Variants in OMA1 observed in about 807,000 individuals in gnomAD.
The protein encoded by OMA1 is metalloendopeptidase OMA1, mitochondrial.
Under a neutral mutation model 30.9 loss-of-function variants are expected in OMA1, and 38 were observed. The ratio of observed to expected loss-of-function variants is 1.23; its 90% CI spans 0.95 to 1.61. The LOEUF (loss-of-function observed/expected upper bound fraction) is 1.61, where lower values mean the gene tolerates loss of function less well. Ranked by LOEUF, OMA1 falls within the 40% of genes most tolerant of loss-of-function variation. OMA1 has a pLI of 0.00. For missense variants in OMA1, 461 were observed against 349.2 expected, an observed-to-expected ratio of 1.32 and a Z score of -2.55; for synonymous variants, 173 against 121.9, an observed-to-expected ratio of 1.42 and a Z score of -2.76.
At chr1:58,523,886 G>A (rs6663128) in intron 7 of OMA1, among the ~76,000 whole-genome samples, 17,708 of 152,094 alleles carry the variant, frequency 0.12, 1,230 homozygotes, top group African/African-American at 0.18. Flanking sequence ...GTGACAGAGC[G>A]AGACTCCATC....
At chr1:58,502,667 G>GAC (rs1284666482) in intron 8 of OMA1, among the ~76,000 whole-genome samples, 1 of 152,218 alleles carries the variant, frequency 6.6e-6, no homozygotes, top group Non-Finnish European at 1.5e-5. Flanking sequence ...TACTGCCTGA[G>GAC]AAACTGCCTT....
chr1:58,501,229 T>C (rs990724969), intron 8 of OMA1, among the ~76,000 whole-genome samples: 1 of 152,214 alleles, frequency 6.6e-6, no homozygotes, highest in Non-Finnish European at 1.5e-5. Flanking sequence ...TATCTTGAAA[T>C]TCACATTTAA....
intron 2 of OMA1, among the ~76,000 whole-genome samples, chr1:58,537,517 TCC>T (rs1646536553): frequency 6.6e-6 from 1 of 151,870 alleles, no homozygotes. Context: ...TCTGAGAAGG[TCC>T]AATTTCTACC....
rs186361876 is a variant in OMA1, at chr1:58,521,829, G to T, written c.1215+5432C>A. 1.3e-5 allele frequency among the ~76,000 whole-genome samples: 2 copies of T among 151,978 alleles called. 1 individual carries two copies. Among genetic ancestry groups the T allele is most frequent in the South Asian group, 4.1e-4 (2 of 4,828 alleles). On this transcript the variant is annotated intron_variant, in intron 7 of 8. Coordinates refer to ENST00000371226, the MANE Select transcript of OMA1 (RefSeq NM_145243.5). ...GGCTTTACCCAGGAATTCTCCAAACGTTTAAAAAATAAATATAGCTAATCT... is the reference window on the plus strand; with the variant it reads ...GGCTTTACCCAGGAATTCTCCAAACTTTTAAAAAATAAATATAGCTAATCT...
chr1:58,537,062 T>TTC (rs150887072), intron 2 of OMA1, among the ~76,000 whole-genome samples: 24,649 of 145,782 alleles, frequency 0.17, 2,162 homozygotes, highest in Admixed American at 0.27. Flanking sequence ...ACATGCAAAA[T>TTC]TCTCTCTCTC....
rs753880221 is a variant in OMA1 at position 58,480,969 on chromosome 1, C to T, written c.1571G>A (p.Ser524Asn). The change falls in exon 9 of 9, where the codon AGT (serine) becomes AAT (asparagine). Residue 524 changes from serine (S) to asparagine (N), a missense_variant. Coordinates refer to ENST00000371226, the MANE Select transcript of OMA1 (RefSeq NM_145243.5). Reference protein sequence around the residue: ...LTYIVEKRTGS With the variant: ...LTYIVEKRTGN ...TTGTGTCTCATAAATTTTAATTCAA[C>T]TGCCCGTTCTTTTCTCAACTATGTA... 7.0e-6 allele frequency: 6 copies of T among 860,284 alleles called. No individual in the cohort carries two copies. Among genetic ancestry groups the T allele is most frequent in the African/African-American group, 4.9e-5 (3 of 60,902 alleles). 53.3% of individuals were successfully genotyped at this position (860,284 alleles called of 1,614,324 possible).
At chr1:58,511,304 C>A (rs1254815127) in intron 7 of OMA1, among the ~76,000 whole-genome samples, 2 of 152,072 alleles carry the variant, frequency 1.3e-5, no homozygotes, top group East Asian at 3.9e-4. Flanking sequence ...GAAGAGAGAG[C>A]CCAAAATTAA....
intron 6 of OMA1, among the ~76,000 whole-genome samples, 167 bp downstream of exon 6, chr1:58,530,434 C>A (rs1646417167): frequency 6.6e-6 from 1 of 152,152 alleles, no homozygotes; most frequent in Non-Finnish European, 1.5e-5. Flanking sequence ...TTTAAATATT[C>A]ATATATAAGA....
intron 7 of OMA1, among the ~76,000 whole-genome samples, chr1:58,513,761 T>A (rs1158881140): frequency 6.6e-6 from 1 of 152,220 alleles, no homozygotes; most frequent in Non-Finnish European, 1.5e-5. Context: ...TATTAACACA[T>A]TATATTAACT....
At chr1:58,492,412 G>C (rs112716574) in intron 8 of OMA1, among the ~76,000 whole-genome samples, 3 of 149,764 alleles carry the variant, frequency 2.0e-5, no homozygotes, top group Non-Finnish European at 4.5e-5. Flanking sequence ...AAATAACTAA[G>C]ATCAGAGCAG....
intron 7 of OMA1, among the ~76,000 whole-genome samples, chr1:58,508,411 T>C (rs1222487853): frequency 6.6e-6 from 1 of 152,196 alleles, no homozygotes; most frequent in Non-Finnish European, 1.5e-5. Context: ...AATATACGAA[T>C]TCCCTTTGTG....
chr1:58,493,129 C>T (rs1453459445), intron 8 of OMA1, among the ~76,000 whole-genome samples: 9 of 152,086 alleles, frequency 5.9e-5, no homozygotes, highest in Admixed American at 1.3e-4. Context: ...AATCAATAAA[C>T]GTAATCCAGC....
At chr1:58,494,901 C>T (rs1411845119) in intron 8 of OMA1, among the ~76,000 whole-genome samples, 4 of 152,178 alleles carry the variant, frequency 2.6e-5, no homozygotes, top group Admixed American at 2.0e-4. Context: ...CCATTTGACC[C>T]AGCCATCGCA....
At chr1:58,509,676 CAG>C (rs569552462) in intron 7 of OMA1, among the ~76,000 whole-genome samples, 147 of 141,472 alleles carry the variant, frequency 1.0e-3, no homozygotes, top group Non-Finnish European at 1.8e-3. Context: ...ATAAAGAAAA[CAG>C]AGAATAAAAA....
chr1:58,483,977 C>T (rs139368644), intron 8 of OMA1, among the ~76,000 whole-genome samples: 1 of 152,312 alleles, frequency 6.6e-6, no homozygotes, highest in Non-Finnish European at 1.5e-5. Flanking sequence ...ACTGGCACAG[C>T]TGAGTGTGGC....
chr1:58,505,633 C>T (rs761874081), intron 8 of OMA1, among the ~76,000 whole-genome samples: 3 of 152,006 alleles, frequency 2.0e-5, no homozygotes, highest in Non-Finnish European at 2.9e-5. Context: ...AAACAAATTC[C>T]AGTACCACTA....
chr1:58,493,855 T>C (rs1322000254), intron 8 of OMA1, among the ~76,000 whole-genome samples: 14 of 150,384 alleles, frequency 9.3e-5, no homozygotes, highest in Non-Finnish European at 2.1e-4. Context: ...AGGTAATTTA[T>C]AGATTCAATG....
chr1:58,493,440 T>G (rs1322095262), intron 8 of OMA1, among the ~76,000 whole-genome samples: 2 of 151,922 alleles, frequency 1.3e-5, no homozygotes, highest in African/African-American at 4.8e-5. Flanking sequence ...GAGAAAGAAA[T>G]AAAGGGTATT....
intron 8 of OMA1, among the ~76,000 whole-genome samples, chr1:58,493,157 G>A (rs936695491): frequency 4.6e-5 from 7 of 151,992 alleles, no homozygotes; most frequent in East Asian, 1.9e-4. Flanking sequence ...CAGAACCAAC[G>A]AGAAAAACCA....
Sources: gnomAD v4.1 joint callset for allele counts (sites outside exome capture counted in the v4.1 genomes callset) on GRCh38, gnomAD v4.1.1 for gene constraint, MANE v1.5 for transcripts, NCBI Gene and HGNC (gene_info 2026-07-23, HGNC 2026-07-21) for gene names.